Variants in SHISA9 observed in about 807,000 individuals in gnomAD.
SHISA9 encodes protein shisa-9.
In SHISA9, 13 loss-of-function variants were observed where a neutral mutation model predicts 38.0. That is an observed-to-expected ratio of 0.34 (90% CI 0.22 to 0.54). The LOEUF (loss-of-function observed/expected upper bound fraction) is 0.54, where lower values mean the gene tolerates loss of function less well. Ranked by LOEUF, SHISA9 falls within the 20% of genes least tolerant of loss-of-function variation. The pLI is 0.91. For synonymous variants in SHISA9, 275 were observed against 242.0 expected (o/e 1.14, Z -1.27); for missense variants, 538 against 575.8 (o/e 0.93, Z 0.67).
chr16:12,961,247 T>G (rs2071907943), intron 2 of SHISA9, among the ~76,000 whole-genome samples: 1 of 151,970 alleles, frequency 6.6e-6, no homozygotes. Flanking sequence ...TTTGGAGGGA[T>G]GGACAGGAGG....
chr16:13,362,819 G>T, the SHISA9 span, among the ~76,000 whole-genome samples: 1 of 152,054 alleles, frequency 6.6e-6, no homozygotes, highest in Non-Finnish European at 1.5e-5. Context: ...GAGCCATTTA[G>T]CTTTCTCTTT....
At chr16:13,148,718 C>CACAT (rs1555465949) in intron 2 of SHISA9, among the ~76,000 whole-genome samples, 4,052 of 149,988 alleles carry the variant, frequency 0.027, 157 homozygotes, top group African/African-American at 0.086. Context: ...CACACACACA[C>CACAT]ATCATGACTA....
chr16:12,930,983 C>G (rs1419001816), intron 2 of SHISA9, among the ~76,000 whole-genome samples: 1 of 152,094 alleles, frequency 6.6e-6, no homozygotes, highest in Non-Finnish European at 1.5e-5. Context: ...ACTTTGAATC[C>G]AAAAATACCC....
At chr16:13,443,999 G>C in the SHISA9 span, among the ~76,000 whole-genome samples, 1 of 152,168 alleles carries the variant, frequency 6.6e-6, no homozygotes, top group Admixed American at 6.5e-5. Context: ...CATCTCCCAG[G>C]ATCTGTGTTT....
chr16:12,976,682 T>C (rs906574505), intron 2 of SHISA9, among the ~76,000 whole-genome samples: 3 of 149,598 alleles, frequency 2.0e-5, no homozygotes, highest in African/African-American at 7.4e-5. Context: ...CTATTTCGAG[T>C]GTGCCTTGCA....
At chr16:13,024,108 T>C (rs1011192521) in intron 2 of SHISA9, among the ~76,000 whole-genome samples, 2 of 152,236 alleles carry the variant, frequency 1.3e-5, no homozygotes, top group African/African-American at 4.8e-5. Context: ...AGTGGATTGG[T>C]TATCTCCATT....
chr16:12,952,111 G>A (rs566204400), intron 2 of SHISA9, among the ~76,000 whole-genome samples: 6 of 152,292 alleles, frequency 3.9e-5, no homozygotes, highest in African/African-American at 1.4e-4. Context: ...CGTAAACATG[G>A]AATTTTTCAA....
intron 2 of SHISA9, among the ~76,000 whole-genome samples, chr16:13,121,983 T>C (rs2050215841): frequency 6.6e-6 from 1 of 151,960 alleles, no homozygotes. Flanking sequence ...GAGGATTGAG[T>C]GATACTGTTC....
At chr16:13,373,069 C>A in the SHISA9 span, among the ~76,000 whole-genome samples, 2 of 152,132 alleles carry the variant, frequency 1.3e-5, no homozygotes, top group African/African-American at 2.4e-5. Context: ...CATATCCCGA[C>A]TACTAACTAC....
intron 1 of SHISA9, among the ~76,000 whole-genome samples, chr16:12,912,447 C>T (rs958383694): frequency 2.0e-5 from 3 of 152,004 alleles, no homozygotes; most frequent in African/African-American, 4.8e-5. Context: ...TTTTGGGGCG[C>T]GGGAGAGTGG....
the SHISA9 span, among the ~76,000 whole-genome samples, chr16:13,482,683 C>A: frequency 6.6e-6 from 1 of 151,960 alleles, no homozygotes. Context: ...TGCCTGTAGT[C>A]CCAGCTACTC....
At chr16:13,016,710 T>C (rs931697996) in intron 2 of SHISA9, among the ~76,000 whole-genome samples, 40 of 152,236 alleles carry the variant, frequency 2.6e-4, no homozygotes, top group African/African-American at 8.7e-4. Flanking sequence ...TATGACTATA[T>C]TTACATGTAA....
At chr16:13,320,243 A>T in the SHISA9 span, among the ~76,000 whole-genome samples, 2 of 135,166 alleles carry the variant, frequency 1.5e-5, no homozygotes, top group Non-Finnish European at 3.1e-5. Context: ...CGGAGCCAAG[A>T]TCGCATGCCA....
chr16:13,373,125 G>T, the SHISA9 span, among the ~76,000 whole-genome samples: 1 of 152,012 alleles, frequency 6.6e-6, no homozygotes, highest in Non-Finnish European at 1.5e-5. Context: ...GTGTTTTTAT[G>T]TGCAAAATAC....
At chr16:13,373,461 C>A in the SHISA9 span, among the ~76,000 whole-genome samples, 2 of 152,174 alleles carry the variant, frequency 1.3e-5, no homozygotes, top group Admixed American at 1.3e-4. Context: ...GCTCGCTCAT[C>A]CGTAAGATGG....
the SHISA9 span, among the ~76,000 whole-genome samples, chr16:13,295,704 G>C: frequency 6.6e-6 from 1 of 152,160 alleles, no homozygotes; most frequent in Non-Finnish European, 1.5e-5. Flanking sequence ...TAATAATGTT[G>C]TGGAAAATTT....
chr16:13,097,259 A>G (rs555096781), intron 2 of SHISA9, among the ~76,000 whole-genome samples: 32 of 152,214 alleles, frequency 2.1e-4, no homozygotes, highest in African/African-American at 6.5e-4. Flanking sequence ...GAATTTCCCA[A>G]AGCCACACAG....
intron 2 of SHISA9, among the ~76,000 whole-genome samples, chr16:13,087,231 T>C (rs1466666088): frequency 1.3e-5 from 2 of 150,564 alleles, no homozygotes; most frequent in African/African-American, 2.4e-5. Context: ...CTATCATTGA[T>C]GGACATTTGG....
the SHISA9 span, among the ~76,000 whole-genome samples, chr16:13,356,517 G>T: frequency 6.6e-6 from 1 of 152,110 alleles, no homozygotes; most frequent in Non-Finnish European, 1.5e-5. Flanking sequence ...GAACGAAACG[G>T]TAAGCCAGAC....
Sources: allele counts gnomAD v4.1 joint callset (sites outside exome capture counted in the v4.1 genomes callset), GRCh38; gene constraint gnomAD v4.1.1; transcripts MANE v1.5; gene names NCBI Gene and HGNC (gene_info 2026-07-23, HGNC 2026-07-21).